The following CERS3 variants were observed in gnomAD, a reference collection of about 807,000 sequenced individuals.
CERS3 encodes the protein LAG1 homolog, ceramide synthase 3.
In CERS3, 33 loss-of-function variants were observed where a neutral mutation model predicts 50.3. That is an observed-to-expected ratio of 0.66 (90% CI 0.50 to 0.88). CERS3 has a LOEUF of 0.88. Ranked by LOEUF, CERS3 falls within the 40% of genes least tolerant of loss-of-function variation. CERS3 has a pLI of 0.00. For missense variants in CERS3, 470 were observed against 460.3 expected, an observed-to-expected ratio of 1.02 and a Z score of -0.19; for synonymous variants, 176 against 155.2, an observed-to-expected ratio of 1.13 and a Z score of -0.99.
intron 11 of CERS3, chr15:100,408,579 G>A (rs1236616559): frequency 1.3e-5 from 2 of 152,172 alleles, no homozygotes; most frequent in African/African-American, 2.4e-5. Flanking sequence ...CAGTGAAGGA[G>A]TGTGGCTCCG....
At position 100,414,620 on chromosome 15, in the gene CERS3, T is replaced by C. The variant is rs1281004758; in HGVS notation, c.1000-11755A>G. Among the ~76,000 whole-genome samples, 3 of 151,818 alleles carry C rather than the reference T, an allele frequency of 2.0e-5. No individual in the cohort carries two copies. The East Asian group carries it at 5.8e-4, about 29-fold the overall frequency. ...AACAGAACAGAGACCTCAGAAATAA[T>C]ACCACACATCTACAACCATCTGATC... is the stretch of plus-strand genomic sequence containing the variant. On this transcript the variant is annotated intron_variant, in intron 11 of 11. Coordinates refer to ENST00000679737, the MANE Select transcript of CERS3 (RefSeq NM_001378789.1).
At chr15:100,519,158 C>CA (rs11303130) in intron 2 of CERS3, among the ~76,000 whole-genome samples, 2,446 of 144,618 alleles carry the variant, frequency 0.017, 68 homozygotes, top group African/African-American at 0.057. Context: ...GACTCCATCT[C>CA]AAAAAAAAAA....
chr15:100,451,320 T>G (rs1466466482), intron 11 of CERS3, among the ~76,000 whole-genome samples: 1 of 152,190 alleles, frequency 6.6e-6, no homozygotes, highest in African/African-American at 2.4e-5. Flanking sequence ...CAGATTAAAC[T>G]TTCCACTTAA....
chr15:100,488,662 A>G (rs1478598201), intron 4 of CERS3, among the ~76,000 whole-genome samples: 1 of 152,196 alleles, frequency 6.6e-6, no homozygotes, highest in African/African-American at 2.4e-5. Flanking sequence ...TTATCTTGAT[A>G]TACTATACGA....
chr15:100,531,995 G>A (rs1210687426), upstream of CERS3, among the ~76,000 whole-genome samples: 1 of 152,160 alleles, frequency 6.6e-6, no homozygotes, highest in Admixed American at 6.5e-5. Flanking sequence ...TTGGGAAGGA[G>A]AGGGATAGGA....
At chr15:100,407,043 T>C (rs2031095021) in intron 11 of CERS3, among the ~76,000 whole-genome samples, 1 of 152,154 alleles carries the variant, frequency 6.6e-6, no homozygotes, top group East Asian at 1.9e-4. Flanking sequence ...CCCACTCCCA[T>C]GATTCAATTA....
intron 3 of CERS3, among the ~76,000 whole-genome samples, chr15:100,491,972 T>A (rs981052565): frequency 1.3e-5 from 2 of 152,064 alleles, no homozygotes; most frequent in Non-Finnish European, 2.9e-5. Flanking sequence ...GTGATCCTCC[T>A]GTCTCAGCCA....
chr15:100,464,302 AC>A (rs1238762320), intron 10 of CERS3, among the ~76,000 whole-genome samples: 6 of 152,232 alleles, frequency 3.9e-5, no homozygotes, highest in Non-Finnish European at 8.8e-5. Flanking sequence ...ACCACATGAA[AC>A]AGGGTTAGAC....
Position 100,445,265 on chromosome 15 carries a change from C to G in CERS3, c.999+10628G>C, listed in dbSNP as rs528745874. ...CTACTATCTCCTGTCTAGTCGTACT[C>G]CTATTCACCATTCTCAACTACTCAT... On this transcript the variant is annotated intron_variant, in intron 11 of 11. Coordinates refer to ENST00000679737, the MANE Select transcript of CERS3 (RefSeq NM_001378789.1). Among the ~76,000 whole-genome samples, 1,147 of 125,916 alleles carry G rather than the reference C, an allele frequency of 9.1e-3. 47 individuals are homozygous for G. Among genetic ancestry groups the G allele is most frequent in the African/African-American group, 0.032 (1,073 of 33,702 alleles). The allele number at this position is 125,916 out of a possible 152,430, so 82.6% of individuals were successfully genotyped here.
chr15:100,519,507 C>T (rs573968323), intron 2 of CERS3, among the ~76,000 whole-genome samples: 36 of 152,272 alleles, frequency 2.4e-4, no homozygotes, highest in African/African-American at 4.8e-4. Context: ...AATATACATA[C>T]GAAAGACACT....
At chr15:100,497,114 A>T (rs1596763085) in intron 3 of CERS3, among the ~76,000 whole-genome samples, 1 of 152,348 alleles carries the variant, frequency 6.6e-6, no homozygotes, top group East Asian at 1.9e-4. Flanking sequence ...CATGAAGCAC[A>T]TGTTTTACTG....
intron 5 of CERS3, among the ~76,000 whole-genome samples, chr15:100,482,400 T>C (rs1293796740): frequency 6.6e-6 from 1 of 151,916 alleles, no homozygotes; most frequent in Non-Finnish European, 1.5e-5. Context: ...AGGCCTGTGG[T>C]GGGGACGCTG....
chr15:100,407,217 C>T (rs1047757624), intron 11 of CERS3, among the ~76,000 whole-genome samples: 4 of 152,216 alleles, frequency 2.6e-5, no homozygotes, highest in Non-Finnish European at 5.9e-5. Flanking sequence ...ACCCACCCAT[C>T]TCTGCAAGAC....
rs114297351 is a variant in CERS3, at chr15:100,405,883, C to T, written c.1000-3018G>A. On this transcript the variant is annotated intron_variant, in intron 11 of 11. Transcript: ENST00000679737. ...TTTAAAAAGCAAATACTGTGGGTTT[C>T]CCCACTAACACTTGCAAAGTAAAGT... 5.2e-3 allele frequency among the ~76,000 whole-genome samples: 796 copies of T among 152,332 alleles called. 7 individuals carry two copies. Among genetic ancestry groups the T allele is most frequent in the African/African-American group, 0.018 (762 of 41,576 alleles).
intron 1 of CERS3, among the ~76,000 whole-genome samples, chr15:100,543,810 G>T (rs1431933308): frequency 6.6e-6 from 1 of 152,186 alleles, no homozygotes; most frequent in Non-Finnish European, 1.5e-5. Flanking sequence ...GATTACAGGC[G>T]TGTGCCACCG....
intron 11 of CERS3, among the ~76,000 whole-genome samples, chr15:100,417,112 C>T (rs2142074982): frequency 6.6e-6 from 1 of 152,278 alleles, no homozygotes; most frequent in East Asian, 1.9e-4. Context: ...CTCTGGTCTA[C>T]AGCTCCCAGC....
At chr15:100,468,984 CTGGCATTCAAGTAA>C (rs1433835237) in intron 10 of CERS3, among the ~76,000 whole-genome samples, 1 of 152,168 alleles carries the variant, frequency 6.6e-6, no homozygotes, top group Non-Finnish European at 1.5e-5. Flanking sequence ...AATCCAGTGT[CTGGCATTCAAGTAA>C]TGGCTATAAT....
intron 11 of CERS3, among the ~76,000 whole-genome samples, chr15:100,451,248 A>G (rs1163361708): frequency 1.3e-5 from 2 of 152,226 alleles, no homozygotes; most frequent in Non-Finnish European, 2.9e-5. Flanking sequence ...GAACAACTAG[A>G]AATTAATTAA....
At position 100,474,589 on chromosome 15, in the gene CERS3, G is replaced by A. The variant is rs192295434; in HGVS notation, c.609+1497C>T. On this transcript the variant is annotated intron_variant, in intron 8 of 11. Transcript: ENST00000679737. ...CTGGCTAATTTTTGTATTTTTAGAA[G>A]AGACAGGATTTCACCATGTTGGCCA... Among the ~76,000 whole-genome samples the A allele has an allele frequency of 1.5e-3, 234 of 152,292 alleles. 2 individuals are homozygous for A. The highest frequency in any genetic ancestry group is 5.4e-3 in the African/African-American group (224 of 41,578).
Sources: gnomAD v4.1 joint callset for allele counts (sites outside exome capture counted in the v4.1 genomes callset) on GRCh38, gnomAD v4.1.1 for gene constraint, MANE v1.5 for transcripts, NCBI Gene and HGNC (gene_info 2026-07-23, HGNC 2026-07-21) for gene names.